The following EEF1AKMT1 variants were observed in gnomAD, a reference collection of about 807,000 sequenced individuals.
The protein encoded by EEF1AKMT1 is EEF1A lysine methyltransferase 1.
EEF1AKMT1 carries 18 observed loss-of-function variants against 21.0 expected under a neutral mutation model. The observed-to-expected ratio is 0.86, with a 90% CI of 0.59 to 1.27. The LOEUF is 1.27. EEF1AKMT1 is among the 50% of genes most tolerant of loss of function. The pLI, the probability that EEF1AKMT1 is intolerant of heterozygous loss-of-function variation, is 0.00. For synonymous variants in EEF1AKMT1, 109 were observed against 94.8 expected (o/e 1.15, Z -0.87); for missense variants, 246 against 258.6 (o/e 0.95, Z 0.33).
chr13:20,756,959 GT>G (rs1463346227), intron 2 of EEF1AKMT1, among the ~76,000 whole-genome samples: 5 of 152,180 alleles, frequency 3.3e-5, no homozygotes, highest in Non-Finnish European at 5.9e-5. Context: ...GCTGAAAGCA[GT>G]TTTCATCACT....
At chr13:20,743,647 C>G (rs2141420836) in intron 2 of EEF1AKMT1, among the ~76,000 whole-genome samples, 1 of 144,910 alleles carries the variant, frequency 6.9e-6, no homozygotes, top group African/African-American at 2.5e-5. Context: ...TTACACTACA[C>G]TTGACCTTGT....
At chr13:20,738,623 A>AC (rs1207258566) in intron 2 of EEF1AKMT1, among the ~76,000 whole-genome samples, 1 of 152,142 alleles carries the variant, frequency 6.6e-6, no homozygotes, top group Non-Finnish European at 1.5e-5. Flanking sequence ...AATGTGGTAC[A>AC]CCCCTACAAT....
At chr13:20,729,669 G>A (rs2058780620) in intron 4 of EEF1AKMT1, among the ~76,000 whole-genome samples, 1 of 151,852 alleles carries the variant, frequency 6.6e-6, no homozygotes, top group Admixed American at 6.6e-5. Flanking sequence ...ATTTCTCCCC[G>A]CCCTGGGCCC....
chr13:20,733,096 T>TC (rs900780590), intron 3 of EEF1AKMT1, among the ~76,000 whole-genome samples: 22 of 146,728 alleles, frequency 1.5e-4, no homozygotes, highest in Non-Finnish European at 2.7e-4. Flanking sequence ...GTGATACACT[T>TC]TTTTTTTTTT....
At chr13:20,731,722 G>A in intron 4 of EEF1AKMT1, 119 bp downstream of exon 4, 1 of 1,027,714 alleles carries the variant, frequency 9.7e-7, no homozygotes, top group Non-Finnish European at 1.4e-6. Context: ...GGCACAAAGA[G>A]TTAAATAACT....
Position 20,756,582 on chromosome 13 carries a change from T to C in EEF1AKMT1, c.144+873A>G, listed in dbSNP as rs549823643. Reference sequence around the variant, plus strand: ...TTGTATTGGATGTAATAACGTATTATTGACAGAGGCAGACAAATGCCTAGG... The same window carrying C: ...TTGTATTGGATGTAATAACGTATTACTGACAGAGGCAGACAAATGCCTAGG... On this transcript the variant is annotated intron_variant, in intron 2 of 4. Coordinates refer to ENST00000382758, the MANE Select transcript of EEF1AKMT1 (RefSeq NM_001318939.2). Among the ~76,000 whole-genome samples, 434 of 152,314 alleles carry C rather than the reference T, an allele frequency of 2.8e-3. 8 individuals are homozygous for C. Among genetic ancestry groups the C allele is most frequent in the Non-Finnish European group, 5.6e-4 (38 of 68,028 alleles).
At chr13:20,766,094 T>C (rs1431023603) in intron 1 of EEF1AKMT1, among the ~76,000 whole-genome samples, 1 of 150,896 alleles carries the variant, frequency 6.6e-6, no homozygotes, top group Non-Finnish European at 1.5e-5. Flanking sequence ...GGTTAGGAGT[T>C]CAAGACCAGC....
chr13:20,766,381 TCCAA>T (rs745723652), intron 1 of EEF1AKMT1, among the ~76,000 whole-genome samples: 4 of 151,722 alleles, frequency 2.6e-5, no homozygotes, highest in African/African-American at 4.8e-5. Flanking sequence ...AACTGAAATG[TCCAA>T]CCATTAGACA....
chr13:20,749,365 C>T (rs1365971239), intron 2 of EEF1AKMT1, among the ~76,000 whole-genome samples: 1 of 152,188 alleles, frequency 6.6e-6, no homozygotes, highest in Non-Finnish European at 1.5e-5. Context: ...AACCATTACA[C>T]TGGGACATTC....
intron 1 of EEF1AKMT1, among the ~76,000 whole-genome samples, chr13:20,762,161 T>C (rs921462697): frequency 2.0e-5 from 3 of 149,478 alleles, no homozygotes; most frequent in African/African-American, 7.4e-5. Flanking sequence ...TCATCTTTGA[T>C]GTATTTCATC....
chr13:20,753,483 T>G (rs2058954015), intron 2 of EEF1AKMT1, among the ~76,000 whole-genome samples: 1 of 152,190 alleles, frequency 6.6e-6, no homozygotes, highest in South Asian at 2.1e-4. Context: ...CAATGTTTCT[T>G]TGTTAATTTT....
chr13:20,733,222 A>C (rs979973639), intron 3 of EEF1AKMT1, among the ~76,000 whole-genome samples: 2 of 150,958 alleles, frequency 1.3e-5, no homozygotes, highest in Non-Finnish European at 2.9e-5. Context: ...CAGCCTCCTG[A>C]GTAGCTGGGA....
chr13:20,739,765 T>C (rs1254662936), intron 2 of EEF1AKMT1, among the ~76,000 whole-genome samples: 2 of 151,934 alleles, frequency 1.3e-5, no homozygotes, highest in Admixed American at 6.5e-5. Flanking sequence ...GTGTTTACAA[T>C]CTTTTAGCTA....
At chr13:20,750,661 C>A (rs1051433576) in intron 2 of EEF1AKMT1, among the ~76,000 whole-genome samples, 1 of 152,060 alleles carries the variant, frequency 6.6e-6, no homozygotes, top group Non-Finnish European at 1.5e-5. Flanking sequence ...GGAGCAGGTA[C>A]GTTTTTGATA....
chr13:20,734,061 A>G (rs1030142576), intron 3 of EEF1AKMT1, among the ~76,000 whole-genome samples: 2 of 152,218 alleles, frequency 1.3e-5, no homozygotes, highest in African/African-American at 4.8e-5. Flanking sequence ...TCAGGGCGGT[A>G]GGAGGGGGAA....
intron 1 of EEF1AKMT1, among the ~76,000 whole-genome samples, chr13:20,764,588 G>A (rs1051448104): frequency 1.3e-5 from 2 of 152,104 alleles, no homozygotes; most frequent in African/African-American, 2.4e-5. Context: ...ATCGATTGCT[G>A]AGAGGGAATG....
intron 4 of EEF1AKMT1, among the ~76,000 whole-genome samples, chr13:20,730,955 C>T (rs966756486): frequency 1.3e-5 from 2 of 152,122 alleles, no homozygotes; most frequent in African/African-American, 4.8e-5. Flanking sequence ...TAACACATAC[C>T]GCAAGGGTCT....
chr13:20,756,012 G>A (rs889780862), intron 2 of EEF1AKMT1, among the ~76,000 whole-genome samples: 20 of 152,174 alleles, frequency 1.3e-4, no homozygotes, highest in Non-Finnish European at 8.8e-5. Flanking sequence ...GGGAAACAGT[G>A]AGAAAGAGGC....
At chr13:20,745,752 G>C (rs1235528508) in intron 2 of EEF1AKMT1, among the ~76,000 whole-genome samples, 1 of 152,134 alleles carries the variant, frequency 6.6e-6, no homozygotes, top group African/African-American at 2.4e-5. Context: ...GGGAGGCTGA[G>C]GCAGAGAACT....
Sources: gnomAD v4.1 joint callset for allele counts (sites outside exome capture counted in the v4.1 genomes callset) on GRCh38, gnomAD v4.1.1 for gene constraint, MANE v1.5 for transcripts, NCBI Gene and HGNC (gene_info 2026-07-23, HGNC 2026-07-21) for gene names.